Variants in BHMT observed in about 807,000 individuals in gnomAD.
BHMT encodes the protein betaine--homocysteine S-methyltransferase.
Under a neutral mutation model 49.5 loss-of-function variants are expected in BHMT, and 38 were observed. That is an observed-to-expected ratio of 0.77 (90% CI 0.59 to 1.01). The LOEUF (loss-of-function observed/expected upper bound fraction) is 1.01. BHMT is among the 50% of genes least tolerant of loss of function. The pLI is 0.00. For synonymous variants in BHMT, 166 were observed against 176.3 expected, an observed-to-expected ratio of 0.94 and a Z score of 0.46; for missense variants, 426 against 495.7, an observed-to-expected ratio of 0.86 and a Z score of 1.34.
intron 5 of BHMT, among the ~76,000 whole-genome samples, chr5:79,124,185 G>T (rs1756514342): frequency 6.6e-6 from 1 of 151,966 alleles, no homozygotes; most frequent in African/African-American, 2.4e-5. Context: ...TCTCTTTGGG[G>T]TATCGAAAAA....
intron 5 of BHMT, among the ~76,000 whole-genome samples, chr5:79,122,099 G>A (rs985649426): frequency 2.0e-5 from 3 of 151,782 alleles, no homozygotes; most frequent in African/African-American, 7.3e-5. Context: ...CCGCCACCAT[G>A]CCTGGCTAAT....
chr5:79,122,171 G>GT (rs1188486803), intron 5 of BHMT, among the ~76,000 whole-genome samples: 1 of 152,072 alleles, frequency 6.6e-6, no homozygotes, highest in Non-Finnish European at 1.5e-5. Context: ...TCGAACTCCT[G>GT]ACCTCGTGAT....
At chr5:79,126,965 G>C (rs1190802476) in intron 6 of BHMT, among the ~76,000 whole-genome samples, 3 of 152,180 alleles carry the variant, frequency 2.0e-5, no homozygotes, top group Non-Finnish European at 4.4e-5. Flanking sequence ...AGACAAGTAA[G>C]ATATTATAAA....
At position 79,130,965 on chromosome 5, in the gene BHMT, T is replaced by G. The variant is rs376539128; in HGVS notation, c.1070T>G (p.Ile357Arg). Residue 357 changes from isoleucine (I) to arginine (R), a missense_variant, in exon 8 of 8, where the codon ATA becomes AGA. Coordinates refer to ENST00000274353, the MANE Select transcript of BHMT (RefSeq NM_001713.3). ...ARKEYWENLR[I>R]ASGRPYNPSM... ...AAGGAATACTGGGAGAATCTTCGGATAGCCTCAGGCCGGCCATACAACCCT... is the reference window on the plus strand; with the variant it reads ...AAGGAATACTGGGAGAATCTTCGGAGAGCCTCAGGCCGGCCATACAACCCT... 1.2e-6 allele frequency: 2 copies of G among 1,613,136 alleles called. No individual in the cohort carries two copies. The highest frequency in any genetic ancestry group is 8.5e-7 in the Non-Finnish European group (1 of 1,179,618).
chr5:79,126,014 C>T, intron 5 of BHMT, 32 bp from the exon 6 acceptor site: 1 of 1,578,792 alleles, frequency 6.3e-7, no homozygotes, highest in Non-Finnish European at 8.7e-7. Flanking sequence ...TCTGGTGCAT[C>T]CCTAAGTCTA....
intron 1 of BHMT, among the ~76,000 whole-genome samples, chr5:79,113,873 C>A (rs576177329): frequency 6.6e-6 from 1 of 152,008 alleles, no homozygotes; most frequent in Non-Finnish European, 1.5e-5. Flanking sequence ...GTAATTGAAT[C>A]GCCACTACCC....
chr5:79,122,037 G>A (rs1176018242), intron 5 of BHMT, among the ~76,000 whole-genome samples: 1 of 151,552 alleles, frequency 6.6e-6, no homozygotes, highest in Non-Finnish European at 1.5e-5. Context: ...CGCCTCCCAG[G>A]TTCAAGCGAT....
At chr5:79,119,961 T>C (rs916891201) in intron 3 of BHMT, among the ~76,000 whole-genome samples, 2 of 152,162 alleles carry the variant, frequency 1.3e-5, no homozygotes, top group African/African-American at 4.8e-5. Context: ...CATCCTGAAT[T>C]CTACAGGTAT....
intron 2 of BHMT, among the ~76,000 whole-genome samples, chr5:79,117,634 C>T (rs1756405453): frequency 1.3e-5 from 2 of 152,206 alleles, no homozygotes; most frequent in South Asian, 4.1e-4. Flanking sequence ...CTCTACTCTA[C>T]TAGTCGTCTG....
chr5:79,112,453 C>T, intron 1 of BHMT, among the ~76,000 whole-genome samples: 1 of 152,180 alleles, frequency 6.6e-6, no homozygotes, highest in East Asian at 1.9e-4. Flanking sequence ...GAGGAGTGCA[C>T]GGCGCTGGCT....
intron 1 of BHMT, among the ~76,000 whole-genome samples, chr5:79,114,807 T>C (rs966532829): frequency 5.3e-5 from 8 of 152,190 alleles, no homozygotes; most frequent in South Asian, 2.1e-4. Flanking sequence ...GAGATCTCAA[T>C]TGAATTGAGT....
In BHMT at chr5:79,121,243, T is replaced by A. The variant is rs1262873443; in HGVS notation, c.503T>A (p.Val168Glu). 6.2e-7 allele frequency: 1 copy of A among 1,613,958 alleles called. No homozygotes were observed. Among genetic ancestry groups the A allele is most frequent in the Admixed American group, 1.7e-5 (1 of 60,004 alleles). The change falls in exon 5 of 8, where the codon GTG becomes GAG. Residue 168 changes from valine to glutamate, a missense_variant. By Grantham distance (121) the Val-to-Glu change is moderately radical. Around this residue, in one of 3 missense-constraint regions of BHMT, gnomAD observed 321 missense variants for 355.9 expected, o/e 0.90. Transcript: ENST00000274353. ...TATTTTGAACACGTTGAAGAAGCTG[T>A]GTGGGCAGTTGAAACCTTGATAGCA... ...AEYFEHVEEA[V>E]WAVETLIASG... is the part of the protein sequence containing the mutation.
At chr5:79,116,506 A>C (rs901249569) in intron 2 of BHMT, 1 of 152,208 alleles carries the variant, frequency 6.6e-6, no homozygotes, top group African/African-American at 2.4e-5. Context: ...ATCAAAATAC[A>C]TGACTACCCT....
chr5:79,123,276 C>T, intron 5 of BHMT, among the ~76,000 whole-genome samples: 1 of 152,080 alleles, frequency 6.6e-6, no homozygotes, highest in East Asian at 1.9e-4. Flanking sequence ...GGAGTGAGGC[C>T]TACTTGGAAC....
At chr5:79,121,165 A>AG in intron 4 of BHMT, 53 bp from the exon 5 acceptor site, 2 of 1,579,732 alleles carry the variant, frequency 1.3e-6, no homozygotes, top group Non-Finnish European at 1.7e-6. Flanking sequence ...AAAAAAAAAA[A>AG]ATTGTTTTGG....
chr5:79,128,159 A>G, intron 7 of BHMT, 176 bp downstream of exon 7: 1 of 874,916 alleles, frequency 1.1e-6, no homozygotes, highest in Non-Finnish European at 1.7e-6. Context: ...GATTGTTTTA[A>G]GAATATAGAA....
intron 3 of BHMT, among the ~76,000 whole-genome samples, chr5:79,119,792 A>G (rs1008737999): frequency 3.9e-5 from 6 of 152,204 alleles, no homozygotes; most frequent in African/African-American, 1.4e-4. Flanking sequence ...CCTTTACCCC[A>G]TCAAGGCTGA....
chr5:79,114,846 T>A (rs1756361732), intron 1 of BHMT, among the ~76,000 whole-genome samples: 1 of 152,178 alleles, frequency 6.6e-6, no homozygotes, highest in African/African-American at 2.4e-5. Context: ...CTATGATTCT[T>A]TGAAATTACA....
intron 5 of BHMT, among the ~76,000 whole-genome samples, chr5:79,121,599 G>C (rs1756473969): frequency 6.6e-6 from 1 of 152,064 alleles, no homozygotes; most frequent in South Asian, 2.1e-4. Flanking sequence ...TGGATCATGA[G>C]GTCAGGAGAT....
Sources: gnomAD v4.1 joint callset for allele counts (sites outside exome capture counted in the v4.1 genomes callset) on GRCh38, gnomAD v4.1.1 for gene constraint, gnomAD v4.1.1 regional missense constraint, MANE v1.5 for transcripts, NCBI Gene and HGNC (gene_info 2026-07-23, HGNC 2026-07-21) for gene names.